The following MTRR variants were observed in gnomAD, a reference collection of about 807,000 sequenced individuals.
MTRR encodes 5-methyltetrahydrofolate-homocysteine methyltransferase reductase.
In MTRR, 63 loss-of-function variants were observed where a neutral mutation model predicts 79.2. The observed-to-expected ratio is 0.80, with a 90% confidence interval of 0.65 to 0.98. MTRR has a LOEUF of 0.98. Ranked by LOEUF, MTRR falls within the 50% of genes least tolerant of loss-of-function variation. The probability of loss-of-function intolerance (pLI) is 0.00; values close to 1 mark genes in which losing one functional copy is unlikely to be tolerated. For synonymous variants in MTRR, 355 were observed against 313.3 expected (o/e 1.13, Z -1.41); for missense variants, 895 against 839.6 (o/e 1.07, Z -0.82).
chr5:7,862,988 G>C, intron 2 of MTRR: 1 of 1,612,724 alleles, frequency 6.2e-7, no homozygotes. Flanking sequence ...TTAGGAAGGA[G>C]TTTTGGACCC....
At chr5:7,869,327 C>A in intron 1 of MTRR, 112 bp downstream of exon 1, 1 of 1,326,770 alleles carries the variant, frequency 7.5e-7, no homozygotes. Flanking sequence ...CCCGTGGTTC[C>A]CACGCCCTTC....
upstream of MTRR, chr5:7,866,895 CA>C: frequency 6.2e-7 from 1 of 1,614,098 alleles, no homozygotes; most frequent in Non-Finnish European, 8.5e-7. Context: ...GTTTGGCAAA[CA>C]AAAGTTTCTG....
chr5:7,857,550 C>T (rs1284806673), intron 1 of MTRR, among the ~76,000 whole-genome samples: 2 of 152,232 alleles, frequency 1.3e-5, no homozygotes, highest in East Asian at 3.8e-4. Context: ...CTAGACCCTG[C>T]TCTCTTCCTT....
In MTRR at chr5:7,895,720, A is replaced by T. The variant is rs1428928829; in HGVS notation, c.1558-14A>T. On this transcript the variant is annotated splice_polypyrimidine_tract_variant and intron_variant, in intron 11 of 14. Transcript: ENST00000440940. ...TTTTCTTTCATACTTACCACATTTGATGTAATATTTCAGATATCCATCTCT... is the reference window on the plus strand; with the variant it reads ...TTTTCTTTCATACTTACCACATTTGTTGTAATATTTCAGATATCCATCTCT... 1 of 1,613,678 alleles carries T rather than the reference A, an allele frequency of 6.2e-7. No homozygotes were observed. The highest frequency in any genetic ancestry group is 8.5e-7 in the Non-Finnish European group (1 of 1,179,816).
chr5:7,879,314 A>G (rs1433000986), intron 5 of MTRR, among the ~76,000 whole-genome samples: 1 of 152,138 alleles, frequency 6.6e-6, no homozygotes, highest in Non-Finnish European at 1.5e-5. Flanking sequence ...CAGCGGGGAT[A>G]GAGATTAATC....
At position 7,875,404 on chromosome 5, in the gene MTRR, A is replaced by G. The variant is rs201670432; in HGVS notation, c.401+29A>G. 30 of 1,500,754 alleles carry G rather than the reference A, an allele frequency of 2.0e-5. 1 individual carries two copies. Among genetic ancestry groups the G allele is most frequent in the Middle Eastern group, 1.7e-4 (1 of 5,878 alleles). 93.0% of individuals were successfully genotyped at this position (1,500,754 alleles called of 1,614,324 possible). A position where few individuals can be genotyped will look rare whatever the true frequency, so the allele number is the denominator to read the frequency against. ...AGGGCAGTGTTCTCTGTTTACTCCA[A>G]TAAGCCCTCTATACATGATGGAAGT... On this transcript the variant is annotated intron_variant, in intron 4 of 14. Coordinates refer to ENST00000440940, the MANE Select transcript of MTRR (RefSeq NM_002454.3).
chr5:7,896,920 T>C lies in MTRR; in HGVS notation c.1733T>C (p.Phe578Ser). The C allele has an allele frequency of 6.2e-7, 1 of 1,614,178 alleles. No individual in the cohort carries two copies. The highest frequency in any genetic ancestry group is 8.5e-7 in the Non-Finnish European group (1 of 1,180,022). The stretch of plus-strand genomic sequence containing the variant: ...AATTTTGGAGCAATGTGGTTGTTTT[T>C]TGGCTGCAGGCATAAGGATAGGGAT... The part of the protein sequence containing the change: ...DGNFGAMWLF[F>S]GCRHKDRDYL... The change falls in exon 13 of 15, where the codon TTT becomes TCT. Residue 578 changes from phenylalanine to serine, a missense_variant. Physicochemically the swap from Phe to Ser is radical, Grantham distance 155. Coordinates refer to ENST00000440940, the MANE Select transcript of MTRR (RefSeq NM_002454.3).
chr5:7,869,295 G>T (rs894601635), intron 1 of MTRR, 80 bp downstream of exon 1: 22 of 1,550,996 alleles, frequency 1.4e-5, no homozygotes, highest in Non-Finnish European at 1.8e-5. Flanking sequence ...GGCCCGGGGC[G>T]GGGGTGGGCA....
At chr5:7,883,130 C>A (rs369343311) in intron 5 of MTRR, 25 bp from the exon 6 acceptor site, 7 of 1,614,030 alleles carry the variant, frequency 4.3e-6, no homozygotes, top group Admixed American at 1.7e-5. Context: ...ATTGCACTTA[C>A]GTTTTGTCAC....
chr5:7,874,505 T>C (rs1748531810), intron 3 of MTRR, among the ~76,000 whole-genome samples: 2 of 151,632 alleles, frequency 1.3e-5, no homozygotes, highest in South Asian at 4.2e-4. Context: ...GAGTCAATGT[T>C]AGGCCTAAGC....
At position 7,851,339 on chromosome 5, in the gene MTRR, A is replaced by G. The variant is rs1012178581; in HGVS notation, n.145A>G. The G allele has an allele frequency of 7.1e-6, 2 of 281,610 alleles. 1 individual carries two copies. Among genetic ancestry groups the G allele is most frequent in the East Asian group, 1.2e-4 (2 of 17,148 alleles). The allele number at this position is 281,610 out of a possible 1,614,324, so 17.4% of individuals were successfully genotyped here. A position where few individuals can be genotyped will look rare whatever the true frequency, so the allele number is the denominator to read the frequency against. ...TCCAGCCCGCTCACCTTTCCCATGC[A>G]GCAGCCCCTGCTTCACTCACTGATC... On this transcript the variant is annotated non_coding_transcript_exon_variant, in exon 1 of 4. Coordinates refer to the MTRR transcript ENST00000502509.
At chr5:7,867,001 C>T (rs1452267426), upstream of MTRR, 6 of 1,613,998 alleles carry the variant, frequency 3.7e-6, no homozygotes, top group Admixed American at 3.3e-5. Context: ...TGAGGCACAC[C>T]GCAGCTACAC....
At chr5:7,855,427 A>AG (rs1353793297) in intron 1 of MTRR, among the ~76,000 whole-genome samples, 3 of 151,464 alleles carry the variant, frequency 2.0e-5, no homozygotes, top group Non-Finnish European at 4.4e-5. Context: ...GTGGAAAAAA[A>AG]AAAAAGAAAA....
In MTRR at chr5:7,870,844, C is replaced by T. The variant is rs2126644485; in HGVS notation, c.50C>T (p.Ala17Val). ...LYATQQGQAK[A>V]IAEEICEQAV... is the part of the protein sequence containing the mutation. ...GCTACACAGCAGGGACAGGCAAAGG[C>T]CATCGCAGAAGAAATATGTGAGCAA... Residue 17 changes from alanine (A) to valine (V), a missense_variant, in exon 2 of 15, where the codon GCC becomes GTC. Coordinates refer to ENST00000440940, the MANE Select transcript of MTRR (RefSeq NM_002454.3). The T allele has an allele frequency of 3.1e-6, 5 of 1,614,172 alleles. No individual in the cohort carries two copies. The highest frequency in any genetic ancestry group is 1.1e-5 in the South Asian group (1 of 91,084).
chr5:7,859,360 C>T lies in MTRR; in HGVS notation n.392-2591C>T, dbSNP rs573043118. 2.4e-4 allele frequency: 209 copies of T among 864,604 alleles called. 1 individual carries two copies. The South Asian group carries it at 3.6e-3, about 15-fold the overall frequency. 53.6% of individuals were successfully genotyped at this position (864,604 alleles called of 1,614,324 possible). A position where few individuals can be genotyped will look rare whatever the true frequency, so the allele number is the denominator to read the frequency against. ...CATATTCTGCAAAGTGGCTAATTCACATTATATTTTTCTTTTAATACTGAG... is the reference window on the plus strand; with the variant it reads ...CATATTCTGCAAAGTGGCTAATTCATATTATATTTTTCTTTTAATACTGAG... On this transcript the variant is annotated intron_variant and non_coding_transcript_variant, in intron 1 of 3. Transcript: ENST00000502509.
intron 1 of MTRR, among the ~76,000 whole-genome samples, chr5:7,858,814 A>G (rs1485908958): frequency 6.6e-6 from 1 of 152,004 alleles, no homozygotes. Flanking sequence ...TCTGCAATGA[A>G]CTAATGACAA....
chr5:7,854,551 C>T (rs1335461970), intron 1 of MTRR, among the ~76,000 whole-genome samples: 2 of 152,052 alleles, frequency 1.3e-5, no homozygotes, highest in Non-Finnish European at 2.9e-5. Context: ...AAAGGCACTC[C>T]TTACATGGTG....
At position 7,892,802 on chromosome 5, in the gene MTRR, G is replaced by C. The variant is rs2126793498; in HGVS notation, c.1446G>C (p.Glu482Asp). The change falls in exon 11 of 15, where the codon GAG becomes GAC. Residue 482 changes from glutamate to aspartate, a missense_variant. Transcript: ENST00000440940. ...AATTTCTGTCTACTGCCACAACAGA[G>C]GTTCTGCGGAAGGGAGTATGTACAG... ...IVEFLSTATT[E>D]VLRKGVCTGW... 1 of 1,614,216 alleles carries C rather than the reference G, an allele frequency of 6.2e-7. No homozygotes were observed.
upstream of MTRR, chr5:7,866,922 T>C (rs770103693): frequency 9.3e-6 from 15 of 1,614,198 alleles, no homozygotes; most frequent in Non-Finnish European, 1.2e-5. Context: ...GCATTGAGGA[T>C]GGGTTTTGAA....
Sources: allele counts gnomAD v4.1 joint callset (sites outside exome capture counted in the v4.1 genomes callset), GRCh38; gene constraint gnomAD v4.1.1; transcripts MANE v1.5; gene names NCBI Gene and HGNC (gene_info 2026-07-23, HGNC 2026-07-21).